The following SERPINB5 variants were observed in gnomAD, a reference collection of about 807,000 sequenced individuals.
The protein encoded by SERPINB5 is serpin family B member 5, also known as serpin B5.
A neutral mutation model predicts 32.2 loss-of-function variants in SERPINB5; 27 were observed. The ratio of observed to expected loss-of-function variants is 0.84; its 90% CI spans 0.62 to 1.16. The LOEUF (loss-of-function observed/expected upper bound fraction) is 1.16. SERPINB5 is among the 50% of genes most tolerant of loss of function. The probability of loss-of-function intolerance (pLI) is 0.00; values close to 1 mark genes in which losing one functional copy is unlikely to be tolerated. For synonymous variants in SERPINB5, 154 were observed against 157.4 expected, an observed-to-expected ratio of 0.98 and a Z score of 0.16; for missense variants, 388 against 436.3, an observed-to-expected ratio of 0.89 and a Z score of 0.99.
At chr18:63,500,981 C>T (rs370841420) in intron 6 of SERPINB5, among the ~76,000 whole-genome samples, 219 of 151,788 alleles carry the variant, frequency 1.4e-3, no homozygotes, top group African/African-American at 5.0e-3. Flanking sequence ...GTTCTTAAAA[C>T]GCCCTCCAAT....
chr18:63,497,390 T>C (rs575146022), intron 5 of SERPINB5: 2 of 1,250,368 alleles, frequency 1.6e-6, no homozygotes, highest in Admixed American at 3.4e-5. Flanking sequence ...CTTATCCTCT[T>C]CGCCATGTGA....
At chr18:63,490,473 T>G (rs1337866969) in intron 4 of SERPINB5, 1 of 152,210 alleles carries the variant, frequency 6.6e-6, no homozygotes, top group African/African-American at 2.4e-5. Context: ...TATTTATAAT[T>G]GCATCTGGAG....
At chr18:63,500,430 A>G (rs572609376) in intron 6 of SERPINB5, among the ~76,000 whole-genome samples, 2 of 152,276 alleles carry the variant, frequency 1.3e-5, no homozygotes, top group South Asian at 4.1e-4. Flanking sequence ...GTACACATAT[A>G]TGCTTCAAAA....
At position 63,503,636 on chromosome 18, in the gene SERPINB5, T is replaced by C. The variant is rs767227544; in HGVS notation, c.1042T>C (p.Leu348=). The C allele has an allele frequency of 3.1e-6, 5 of 1,614,204 alleles. No individual in the cohort carries two copies. The highest frequency in any genetic ancestry group is 2.7e-5 in the African/African-American group (2 of 75,072). ...ACGGATCCTGCAGCACAAGGATGAA[T>C]TGAATGCTGACCATCCCTTTATTTA... ...GARILQHKDE[L]NADHPFIYII... The change falls in exon 7 of 7, where the codon TTG becomes CTG. Residue 348 remains leucine, a synonymous_variant. Transcript: ENST00000382771.
intron 5 of SERPINB5, among the ~76,000 whole-genome samples, chr18:63,494,321 CAAAAAAAAAAAAAA>C (rs372412366): frequency 1.7e-4 from 8 of 46,688 alleles, no homozygotes; most frequent in Admixed American, 6.0e-4. Flanking sequence ...GACTCCATCT[CAAAAAAAAAAAAAA>C]AAAAAAAAAA....
chr18:63,493,056 T>C lies in SERPINB5; in HGVS notation c.528T>C (p.Ser176=), dbSNP rs755304719. Residue 176 remains serine, a synonymous_variant, in exon 5 of 7, where the codon TCT becomes TCC. Coordinates refer to ENST00000382771, the MANE Select transcript of SERPINB5 (RefSeq NM_002639.5). ...YFVGKWMKKF[S]ESETKECPFR... is the part of the protein sequence containing the mutation. ...TTGGCAAGTGGATGAAGAAATTTTC[T>C]GAATCAGAAACAAAAGAATGTCCTT... The C allele has an allele frequency of 1.9e-6, 3 of 1,614,072 alleles. No individual in the cohort carries two copies. The highest frequency in any genetic ancestry group is 1.7e-5 in the Admixed American group (1 of 60,000).
intron 2 of SERPINB5, 77 bp downstream of exon 2, chr18:63,484,673 A>T: frequency 1.3e-5 from 18 of 1,373,462 alleles, no homozygotes; most frequent in Non-Finnish European, 1.8e-5. Context: ...TACGGAAAAA[A>T]GGAATGTAGA....
chr18:63,498,830 GTATA>G lies in SERPINB5; in HGVS notation c.568-281_568-278del, dbSNP rs773569861. Among the ~76,000 whole-genome samples, 4 of 142,586 alleles carry G rather than the reference GTATA, an allele frequency of 2.8e-5. No individual in the cohort carries two copies. Among genetic ancestry groups the G allele is most frequent in the South Asian group, 4.4e-4 (2 of 4,550 alleles). 93.5% of individuals were successfully genotyped at this position (142,586 alleles called of 152,430 possible). Reference sequence around the variant, plus strand: ...GTGCATGTGTGTATATATGTATGGGGTATATATATATAGTATGTATATATAAGTG... The same window carrying G: ...GTGCATGTGTGTATATATGTATGGGGTATATATAGTATGTATATATAAGTG... On this transcript the variant is annotated intron_variant, in intron 5 of 6. Transcript: ENST00000382771. This position sits in a 1 kb window ranked among gnomAD's most constrained non-coding sequence, Gnocchi z 4.2.
chr18:63,491,339 T>G (rs1909329604), intron 4 of SERPINB5, among the ~76,000 whole-genome samples: 1 of 143,148 alleles, frequency 7.0e-6, no homozygotes, highest in African/African-American at 2.6e-5. Flanking sequence ...GAGGCGGAGG[T>G]TGCAATGAGC....
At chr18:63,487,310 C>T (rs893264408) in intron 3 of SERPINB5, among the ~76,000 whole-genome samples, 5 of 152,182 alleles carry the variant, frequency 3.3e-5, no homozygotes, top group Admixed American at 6.5e-5. Flanking sequence ...CTTTCCTTTT[C>T]TCTCTCAAAT....
intron 5 of SERPINB5, chr18:63,497,083 G>A: frequency 1.7e-6 from 1 of 590,290 alleles, no homozygotes; most frequent in Non-Finnish European, 3.2e-6. Flanking sequence ...TTCTTGAATA[G>A]CCCAGAGCAT....
At chr18:63,483,069 G>A (rs1027930391) in intron 1 of SERPINB5, among the ~76,000 whole-genome samples, 9 of 152,248 alleles carry the variant, frequency 5.9e-5, no homozygotes, top group African/African-American at 2.2e-4. Flanking sequence ...TCCTGAAAGG[G>A]TGTTAGGGAC....
At chr18:63,477,493 CTCT>C (rs1917054280) in intron 1 of SERPINB5, among the ~76,000 whole-genome samples, 1 of 152,148 alleles carries the variant, frequency 6.6e-6, no homozygotes, top group African/African-American at 2.4e-5. Flanking sequence ...GTCTGGCTGG[CTCT>C]TCTCCCTGGC....
chr18:63,491,334 G>A (rs1322484763), intron 4 of SERPINB5, among the ~76,000 whole-genome samples: 20 of 148,836 alleles, frequency 1.3e-4, no homozygotes, highest in African/African-American at 4.7e-4. Context: ...CCTGGGAGGC[G>A]GAGGTTGCAA....
At chr18:63,479,180 T>C (rs946360395) in intron 1 of SERPINB5, among the ~76,000 whole-genome samples, 2 of 152,182 alleles carry the variant, frequency 1.3e-5, no homozygotes, top group African/African-American at 4.8e-5. Flanking sequence ...ACATATATTG[T>C]TCAAATCAGG....
intron 6 of SERPINB5, among the ~76,000 whole-genome samples, chr18:63,501,094 G>A (rs1391227903): frequency 6.6e-6 from 1 of 151,220 alleles, no homozygotes; most frequent in Non-Finnish European, 1.5e-5. Context: ...TGCACAATGT[G>A]CAGGTTTGTT....
intron 1 of SERPINB5, among the ~76,000 whole-genome samples, chr18:63,478,758 G>GTTTTTTTTTTTTTTTTTTT (rs10669993): frequency 7.4e-6 from 1 of 135,382 alleles, no homozygotes; most frequent in Non-Finnish European, 1.5e-5. Context: ...TAAAAACGTA[G>GTTTTTTTTTTTTTTTTTTT]TTTTTTTTTT....
At position 63,484,473 on chromosome 18, in the gene SERPINB5, G is replaced by A. The variant is rs1254430156; in HGVS notation, c.45G>A (p.Leu15=). 6.2e-7 allele frequency: 1 copy of A among 1,614,150 alleles called. No individual in the cohort carries two copies. The highest frequency in any genetic ancestry group is 8.5e-7 in the Non-Finnish European group (1 of 1,180,018). The change falls in exon 2 of 7, where the codon CTG becomes CTA. Residue 15 remains leucine, a synonymous_variant. Coordinates refer to ENST00000382771, the MANE Select transcript of SERPINB5 (RefSeq NM_002639.5). The part of the protein sequence containing the change: ...QLANSAFAVD[L]FKQLCEKEPL... ...CAAATTCGGCTTTTGCCGTTGATCT[G>A]TTCAAACAACTATGTGAAAAGGAGC...
rs182090238 is a variant in SERPINB5, at chr18:63,485,144, C to T, written c.168+548C>T. ...GGTAATCACAGCTTTTTCATTCTGA[C>T]TTATAATATTTTCAATTTACAATGG... On this transcript the variant is annotated intron_variant, in intron 2 of 6. Transcript: ENST00000382771. Among the ~76,000 whole-genome samples the T allele has an allele frequency of 1.2e-3, 186 of 152,228 alleles. 2 individuals carry two copies. The highest frequency in any genetic ancestry group is 4.4e-3 in the African/African-American group (184 of 41,550).
Sources: allele counts gnomAD v4.1 joint callset (sites outside exome capture counted in the v4.1 genomes callset), GRCh38; gene constraint gnomAD v4.1.1; non-coding constraint Gnocchi (gnomAD v3.1); transcripts MANE v1.5; gene names NCBI Gene and HGNC (gene_info 2026-07-23, HGNC 2026-07-21).